SLIT2: variants seen among roughly 807,000 people sequenced by gnomAD.
SLIT2 encodes slit homolog 2 protein.
A neutral mutation model predicts 185.7 loss-of-function variants in SLIT2; 41 were observed. The ratio of observed to expected loss-of-function variants is 0.22; its 90% CI spans 0.17 to 0.29. The LOEUF (loss-of-function observed/expected upper bound fraction) is 0.29. SLIT2 is among the 10% of genes least tolerant of loss of function. The pLI is 1.00. For synonymous variants in SLIT2, 693 were observed against 680.2 expected, an observed-to-expected ratio of 1.02 and a Z score of -0.29; for missense variants, 1,571 against 1,909.0, an observed-to-expected ratio of 0.82 and a Z score of 3.30.
At chr4:20,498,573 A>G (rs1333641794) in intron 9 of SLIT2, among the ~76,000 whole-genome samples, 1 of 152,208 alleles carries the variant, frequency 6.6e-6, no homozygotes, top group African/African-American at 2.4e-5. Context: ...CCTGTGGCAT[A>G]TTGCCTTTTC....
At chr4:20,314,803 T>C (rs1560309350) in intron 4 of SLIT2, among the ~76,000 whole-genome samples, 1 of 152,054 alleles carries the variant, frequency 6.6e-6, no homozygotes, top group Non-Finnish European at 1.5e-5. Context: ...AATAAATTCA[T>C]GGAAAGCTGC....
chr4:20,300,001 A>T (rs1716891122), intron 4 of SLIT2, among the ~76,000 whole-genome samples: 1 of 152,046 alleles, frequency 6.6e-6, no homozygotes, highest in African/African-American at 2.4e-5. Context: ...TTATAAATAT[A>T]ACCTTTTCAC....
intron 4 of SLIT2, among the ~76,000 whole-genome samples, chr4:20,396,888 ATACATAAATTATATTTATATT>A (rs1345041905): frequency 6.8e-6 from 1 of 147,024 alleles, no homozygotes; most frequent in East Asian, 1.9e-4. Context: ...TAATATATAA[ATACATAAATTATATTTATATT>A]TGTAAATTTA....
At chr4:20,425,917 G>C (rs1164477786) in intron 4 of SLIT2, among the ~76,000 whole-genome samples, 1 of 152,072 alleles carries the variant, frequency 6.6e-6, no homozygotes, top group African/African-American at 2.4e-5. Flanking sequence ...CCAATCCTTT[G>C]TATGACCATG....
intron 4 of SLIT2, among the ~76,000 whole-genome samples, chr4:20,302,437 AG>A (rs1717143539): frequency 6.6e-6 from 1 of 152,048 alleles, no homozygotes; most frequent in Admixed American, 6.5e-5. Context: ...GCAATGGGGG[AG>A]GGACAAGTTA....
chr4:20,260,792 C>T (rs1712371351), intron 3 of SLIT2, among the ~76,000 whole-genome samples: 1 of 151,790 alleles, frequency 6.6e-6, no homozygotes, highest in Admixed American at 6.6e-5. Context: ...TTTTCCCTTT[C>T]AAAGAGTGGA....
intron 34 of SLIT2, among the ~76,000 whole-genome samples, chr4:20,610,589 A>C (rs962913954): frequency 3.3e-5 from 5 of 152,228 alleles, no homozygotes; most frequent in Non-Finnish European, 5.9e-5. Context: ...AGCTCCCTTA[A>C]GGAGGCAAAC....
intron 4 of SLIT2, among the ~76,000 whole-genome samples, chr4:20,318,039 G>A (rs918234292): frequency 2.6e-5 from 4 of 152,130 alleles, no homozygotes; most frequent in African/African-American, 9.6e-5. Flanking sequence ...TTCTAAAACT[G>A]AGTTTGGATG....
chr4:20,595,616 GC>G (rs1463048306), intron 30 of SLIT2, 80 bp from the exon 31 acceptor site: 1 of 1,535,478 alleles, frequency 6.5e-7, no homozygotes, highest in Non-Finnish European at 8.9e-7. Context: ...TAAAGATGGT[GC>G]CATTGTGTCT....
chr4:20,465,035 G>A (rs148965927), intron 4 of SLIT2, among the ~76,000 whole-genome samples: 1 of 152,090 alleles, frequency 6.6e-6, no homozygotes, highest in African/African-American at 2.4e-5. Context: ...AGAAAATATA[G>A]ATCATTGTTC....
At chr4:20,332,396 G>C (rs1402472416) in intron 4 of SLIT2, among the ~76,000 whole-genome samples, 1 of 152,172 alleles carries the variant, frequency 6.6e-6, no homozygotes, top group African/African-American at 2.4e-5. Flanking sequence ...AAAGAGGGGA[G>C]TAGTAATAGA....
At chr4:20,272,662 G>T (rs898503981) in intron 4 of SLIT2, among the ~76,000 whole-genome samples, 1 of 152,038 alleles carries the variant, frequency 6.6e-6, no homozygotes, top group African/African-American at 2.4e-5. Flanking sequence ...TTATTTCTTT[G>T]AGTATATTAT....
intron 4 of SLIT2, among the ~76,000 whole-genome samples, chr4:20,298,229 C>CGT (rs1716688738): frequency 6.6e-6 from 1 of 151,972 alleles, no homozygotes; most frequent in East Asian, 1.9e-4. Flanking sequence ...GCTGGGATTA[C>CGT]AGGCATGTGC....
chr4:20,382,538 A>T (rs879453737), intron 4 of SLIT2, among the ~76,000 whole-genome samples: 1 of 152,198 alleles, frequency 6.6e-6, no homozygotes, highest in Admixed American at 6.6e-5. Flanking sequence ...GTAATTAAAA[A>T]TTTAAAAATC....
chr4:20,463,660 G>T (rs925518436), intron 4 of SLIT2, among the ~76,000 whole-genome samples: 3 of 149,754 alleles, frequency 2.0e-5, no homozygotes, highest in Admixed American at 6.7e-5. Flanking sequence ...GGATCACAAG[G>T]TCAGGAGATT....
chr4:20,469,751 C>CTTTTTTT lies in SLIT2; in HGVS notation c.467+1944_467+1950dup, dbSNP rs33912349. ...CAGCTTCATTAAGCCTTAGTTTTTA[C>CTTTTTTT]TTTTTTTTTTTTTTTTTTTTTTGAG... On this transcript the variant is annotated intron_variant, in intron 5 of 36. Transcript: ENST00000504154. Among the ~76,000 whole-genome samples, 13 of 90,752 alleles carry CTTTTTTT rather than the reference C, an allele frequency of 1.4e-4. 1 individual carries two copies. The highest frequency in any genetic ancestry group is 4.4e-4 in the Admixed American group (3 of 6,800). The allele number at this position is 90,752 out of a possible 152,430, so 59.5% of individuals were successfully genotyped here.
chr4:20,313,158 G>A (rs1220328803), intron 4 of SLIT2, among the ~76,000 whole-genome samples: 3 of 152,168 alleles, frequency 2.0e-5, no homozygotes, highest in African/African-American at 4.8e-5. Flanking sequence ...AGAAATACCT[G>A]AGACTTGGTA....
At chr4:20,417,835 A>C (rs374550501) in intron 4 of SLIT2, among the ~76,000 whole-genome samples, 5 of 152,156 alleles carry the variant, frequency 3.3e-5, no homozygotes, top group African/African-American at 1.2e-4. Flanking sequence ...TCTCATCTTC[A>C]CATAGCCAAC....
chr4:20,618,895 T>C lies in SLIT2; in HGVS notation c.4476T>C (p.Cys1492=). 6.2e-7 allele frequency: 1 copy of C among 1,614,140 alleles called. No homozygotes were observed. The highest frequency in any genetic ancestry group is 8.5e-7 in the Non-Finnish European group (1 of 1,180,008). The change falls in exon 37 of 37, where the codon TGT becomes TGC. Residue 1492 remains cysteine, a synonymous_variant. Transcript: ENST00000504154. ...CRGGCAGGQC[C]GPLRSKRRKY... is the part of the protein sequence containing the mutation. ...GTGGGTGTGCAGGAGGGCAGTGCTGTGGACCGCTGAGGAGCAAGCGGCGGA... is the reference window on the plus strand; with the variant it reads ...GTGGGTGTGCAGGAGGGCAGTGCTGCGGACCGCTGAGGAGCAAGCGGCGGA...
Sources: gnomAD v4.1 joint callset for allele counts (sites outside exome capture counted in the v4.1 genomes callset) on GRCh38, gnomAD v4.1.1 for gene constraint, MANE v1.5 for transcripts, NCBI Gene and HGNC (gene_info 2026-07-23, HGNC 2026-07-21) for gene names.